Variants in UGGT2 observed in about 807,000 individuals in gnomAD.
UGGT2 encodes UDP-glucose glycoprotein glucosyltransferase 2.
Under a neutral mutation model 192.1 loss-of-function variants are expected in UGGT2, and 180 were observed. The observed-to-expected ratio is 0.94, with a 90% confidence interval of 0.83 to 1.06. The LOEUF (loss-of-function observed/expected upper bound fraction) is 1.06, where lower values mean the gene tolerates loss of function less well. Ranked by LOEUF, UGGT2 falls within the 50% of genes least tolerant of loss-of-function variation. The probability of loss-of-function intolerance (pLI) is 0.00; values close to 1 mark genes in which losing one functional copy is unlikely to be tolerated. For missense variants in UGGT2, 1,849 were observed against 1,795.7 expected, an observed-to-expected ratio of 1.03 and a Z score of -0.54; for synonymous variants, 580 against 591.0, an observed-to-expected ratio of 0.98 and a Z score of 0.27.
At chr13:95,983,086 C>T (rs1419883967) in intron 10 of UGGT2, among the ~76,000 whole-genome samples, 3 of 152,138 alleles carry the variant, frequency 2.0e-5, no homozygotes, top group East Asian at 1.9e-4. Flanking sequence ...TCTAGCTTCC[C>T]GCGCAGCCTA....
intron 20 of UGGT2, among the ~76,000 whole-genome samples, chr13:95,904,096 T>C (rs966604361): frequency 1.3e-5 from 2 of 152,104 alleles, no homozygotes; most frequent in African/African-American, 2.4e-5. Flanking sequence ...AAGGGCTTTT[T>C]TTGGTTATAT....
intron 31 of UGGT2, among the ~76,000 whole-genome samples, chr13:95,861,904 T>G (rs1370374466): frequency 6.6e-6 from 1 of 152,160 alleles, no homozygotes; most frequent in Non-Finnish European, 1.5e-5. Context: ...GCAGTTAACG[T>G]CCCAAAAACT....
At chr13:95,826,518 T>G (rs997508624) in intron 38 of UGGT2, among the ~76,000 whole-genome samples, 2 of 152,078 alleles carry the variant, frequency 1.3e-5, no homozygotes, top group Non-Finnish European at 2.9e-5. Flanking sequence ...AAATTCAGTA[T>G]GATCATGGGA....
rs2047913514 is a variant in UGGT2 at position 95,895,213 on chromosome 13, C to T, written c.2726G>A (p.Gly909Asp). 1.3e-6 allele frequency: 2 copies of T among 1,584,868 alleles called. No homozygotes were observed. The highest frequency in any genetic ancestry group is 1.4e-5 in the African/African-American group (1 of 73,266). ...TFSNLGEKIK[G>D]IVENMGINAN... is the part of the protein sequence containing the mutation. The stretch of plus-strand genomic sequence containing the variant: ...GTTGATTCCCATATTTTCAACAATG[C>T]CTTTAATTTTCTCTCCTAAATTACT... The change falls in exon 23 of 39, where the codon GGC (glycine) becomes GAC (aspartate). Residue 909 changes from glycine to aspartate, a missense_variant. By Grantham distance (94) the Gly-to-Asp change is moderately conservative. Coordinates refer to ENST00000376747, the MANE Select transcript of UGGT2 (RefSeq NM_020121.4).
chr13:95,998,441 C>A (rs551770946), intron 6 of UGGT2, among the ~76,000 whole-genome samples: 1 of 152,222 alleles, frequency 6.6e-6, no homozygotes, highest in Non-Finnish European at 1.5e-5. Context: ...TTATCTGAAG[C>A]ACATTCAGTA....
intron 20 of UGGT2, among the ~76,000 whole-genome samples, chr13:95,916,846 T>C (rs1376003056): frequency 6.7e-6 from 1 of 149,836 alleles, no homozygotes; most frequent in Non-Finnish European, 1.5e-5. Context: ...GGTAGACACA[T>C]TAAACAAAAA....
At chr13:95,827,067 T>C (rs1286190943) in intron 38 of UGGT2, among the ~76,000 whole-genome samples, 1 of 152,070 alleles carries the variant, frequency 6.6e-6, no homozygotes, top group Non-Finnish European at 1.5e-5. Flanking sequence ...ATGATAAAGA[T>C]GGCAATACAA....
intron 17 of UGGT2, among the ~76,000 whole-genome samples, chr13:95,929,104 G>A (rs2049151294): frequency 6.6e-6 from 1 of 152,152 alleles, no homozygotes; most frequent in African/African-American, 2.4e-5. Flanking sequence ...TGAGGCAGGA[G>A]AATCAGGCAG....
chr13:95,833,103 A>T, intron 37 of UGGT2, 50 bp from the exon 38 acceptor site: 1 of 1,592,548 alleles, frequency 6.3e-7, no homozygotes, highest in Non-Finnish European at 8.6e-7. Context: ...TCCTGGAAAC[A>T]TAAGGACAAT....
At chr13:96,023,448 TA>T (rs538467157) in intron 3 of UGGT2, among the ~76,000 whole-genome samples, 180 bp downstream of exon 3, 47 of 152,212 alleles carry the variant, frequency 3.1e-4, no homozygotes, top group Middle Eastern at 3.4e-3. Flanking sequence ...CTATAAAAAT[TA>T]CAGAATATAT....
intron 2 of UGGT2, among the ~76,000 whole-genome samples, chr13:96,027,773 CATCTT>C (rs2052713243): frequency 6.6e-6 from 1 of 152,234 alleles, no homozygotes; most frequent in African/African-American, 2.4e-5. Context: ...GCTTTACTCA[CATCTT>C]AACTTACTAA....
chr13:95,899,950 A>G (rs1325848879), intron 22 of UGGT2, among the ~76,000 whole-genome samples: 1 of 152,134 alleles, frequency 6.6e-6, no homozygotes, highest in Non-Finnish European at 1.5e-5. Context: ...AACTTTGAAG[A>G]TGATTGAGGG....
In UGGT2 at chr13:95,999,195, G is replaced by A; in HGVS notation, c.757+16C>T. On this transcript the variant is annotated intron_variant, in intron 6 of 38. Transcript: ENST00000376747. ...CAACTTTTCATTCTACTCAAGTACT[G>A]AGATAGAGAACTTACTTTTAACTTG... The A allele has an allele frequency of 3.1e-6, 5 of 1,599,990 alleles. No homozygotes were observed. The highest frequency in any genetic ancestry group is 4.3e-6 in the Non-Finnish European group (5 of 1,167,766).
chr13:96,023,717 C>T lies in UGGT2; in HGVS notation c.284G>A (p.Gly95Glu), dbSNP rs767196287. The T allele has an allele frequency of 6.2e-7, 1 of 1,609,034 alleles. No individual in the cohort carries two copies. Among genetic ancestry groups the T allele is most frequent in the African/African-American group, 1.3e-5 (1 of 74,790 alleles). ...SYYNLILKKA[G>E]QFLDNLHINL... ...GATGTGTAAATTGTCTAGAAACTGT[C>T]CAGCTTTCTTCAGGATTAAGTTGTA... Residue 95 changes from glycine to glutamate, a missense_variant, in exon 3 of 39, where the codon GGA becomes GAA. Physicochemically the swap from Gly to Glu is moderately conservative, Grantham distance 98. Transcript: ENST00000376747.
intron 20 of UGGT2, among the ~76,000 whole-genome samples, chr13:95,913,821 G>A (rs2048584559): frequency 6.6e-6 from 1 of 152,092 alleles, no homozygotes; most frequent in South Asian, 2.1e-4. Context: ...CAATAGCAAA[G>A]ACTTGGAACC....
intron 12 of UGGT2, among the ~76,000 whole-genome samples, chr13:95,952,808 C>T (rs9525098): frequency 0.35 from 52,688 of 151,930 alleles, 9,889 homozygotes; most frequent in East Asian, 0.45. Flanking sequence ...CAAGGCTACT[C>T]TTGGCAGTTA....
intron 1 of UGGT2, among the ~76,000 whole-genome samples, chr13:96,033,086 G>T (rs1469840894): frequency 6.6e-6 from 1 of 152,164 alleles, no homozygotes; most frequent in Non-Finnish European, 1.5e-5. Context: ...AGCTAACAAG[G>T]GAAGTGAAGG....
intron 38 of UGGT2, among the ~76,000 whole-genome samples, chr13:95,821,516 C>T (rs900365798): frequency 7.2e-5 from 11 of 152,032 alleles, no homozygotes; most frequent in African/African-American, 2.7e-4. Context: ...ATATTTTCTC[C>T]CATTCTGTGG....
intron 26 of UGGT2, among the ~76,000 whole-genome samples, chr13:95,887,035 G>C (rs2047664539): frequency 6.6e-6 from 1 of 151,960 alleles, no homozygotes; most frequent in African/African-American, 2.4e-5. Flanking sequence ...CAATGGGAGT[G>C]AGAACCTGTC....
Sources: allele counts gnomAD v4.1 joint callset (sites outside exome capture counted in the v4.1 genomes callset), GRCh38; gene constraint gnomAD v4.1.1; transcripts MANE v1.5; gene names NCBI Gene and HGNC (gene_info 2026-07-23, HGNC 2026-07-21).